Variants in NEK10 observed in about 807,000 individuals in gnomAD.
The protein encoded by NEK10 is NIMA related kinase 10.
Under a neutral mutation model 159.8 loss-of-function variants are expected in NEK10, and 122 were observed. The observed-to-expected ratio is 0.76, with a 90% CI of 0.66 to 0.89. The LOEUF (loss-of-function observed/expected upper bound fraction) is 0.89, where lower values mean the gene tolerates loss of function less well. NEK10 is among the 40% of genes least tolerant of loss of function. The pLI, the probability that NEK10 is intolerant of heterozygous loss-of-function variation, is 0.00. For missense variants in NEK10, 1,342 were observed against 1,323.1 expected (o/e 1.01, Z -0.22); for synonymous variants, 466 against 457.1 (o/e 1.02, Z -0.25).
chr3:27,125,096 AAGT>A (rs1941794911), intron 32 of NEK10, among the ~76,000 whole-genome samples: 1 of 152,140 alleles, frequency 6.6e-6, no homozygotes, highest in African/African-American at 2.4e-5. Flanking sequence ...GAACTAAACT[AAGT>A]AAATATATTA....
At position 27,169,049 on chromosome 3, in the gene NEK10, G is replaced by A. The variant is rs565712338; in HGVS notation, c.2831+2770C>T. Among the ~76,000 whole-genome samples the A allele has an allele frequency of 1.2e-4, 19 of 152,090 alleles. 1 individual carries two copies. Among genetic ancestry groups the A allele is most frequent in the Admixed American group, 4.6e-4 (7 of 15,286 alleles). On this transcript the variant is annotated intron_variant, in intron 29 of 35. Transcript: ENST00000691995. The stretch of plus-strand genomic sequence containing the variant: ...GGTTTTGAAGGGGTGGACATCAACC[G>A]GATTTGTGCAAATAAGACAATTTTC...
At chr3:27,127,110 G>A (rs1942053683) in intron 32 of NEK10, among the ~76,000 whole-genome samples, 1 of 151,992 alleles carries the variant, frequency 6.6e-6, no homozygotes, top group Admixed American at 6.6e-5. Flanking sequence ...CCACGTACCC[G>A]TCACCCAGTT....
chr3:27,272,992 A>C (rs6788502), intron 22 of NEK10, among the ~76,000 whole-genome samples: 13,119 of 152,142 alleles, frequency 0.086, 1,870 homozygotes, highest in African/African-American at 0.3. Context: ...TAAGGAAAAC[A>C]GCTGATTGGG....
intron 19 of NEK10, among the ~76,000 whole-genome samples, chr3:27,288,230 A>G (rs1288277158): frequency 6.6e-6 from 1 of 152,202 alleles, no homozygotes; most frequent in Non-Finnish European, 1.5e-5. Flanking sequence ...CAAAATGATT[A>G]GTAGAAAATA....
At chr3:27,143,388 G>A (rs1943973012) in intron 30 of NEK10, 2 of 694,840 alleles carry the variant, frequency 2.9e-6, no homozygotes, top group African/African-American at 1.8e-5. Flanking sequence ...ACATGGCAAA[G>A]AGTTCTTAGA....
intron 1 of NEK10, among the ~76,000 whole-genome samples, chr3:27,365,611 T>TG (rs1491559451): frequency 0.034 from 124 of 3,686 alleles, 1 homozygote; most frequent in Non-Finnish European, 0.12. Context: ...TTTTTTTGTG[T>TG]TTTTTTTTTT....
At chr3:27,322,411 C>A (rs146282134) in intron 5 of NEK10, 150 bp from the exon 6 acceptor site, 186 of 612,450 alleles carry the variant, frequency 3.0e-4, no homozygotes, top group African/African-American at 2.8e-3. Flanking sequence ...GAACACTTGA[C>A]TCATTTTAAT....
intron 12 of NEK10, among the ~76,000 whole-genome samples, chr3:27,304,179 T>A (rs539437744): frequency 6.6e-6 from 1 of 152,310 alleles, no homozygotes; most frequent in South Asian, 2.1e-4. Flanking sequence ...TAGAGGACCG[T>A]AATGAAGATT....
At chr3:27,153,319 CA>C (rs34333130) in intron 30 of NEK10, among the ~76,000 whole-genome samples, 6,062 of 90,582 alleles carry the variant, frequency 0.067, 139 homozygotes, top group Middle Eastern at 0.1. Flanking sequence ...GACTCCATCT[CA>C]AAAAAAAAAA....
rs116378864 is a variant in NEK10 at position 27,231,705 on chromosome 3, T to C, written c.2090+24591A>G. 8.9e-3 allele frequency among the ~76,000 whole-genome samples: 1,350 copies of C among 152,006 alleles called. 25 individuals are homozygous for C. Among genetic ancestry groups the C allele is most frequent in the African/African-American group, 0.03 (1,253 of 41,512 alleles). ...AGAAATAAAAAAGATCATTCAGGGC[T>C]ACTATGAACACCTTTACATGCACAA... is the stretch of plus-strand genomic sequence containing the variant. On this transcript the variant is annotated intron_variant, in intron 23 of 35. Coordinates refer to ENST00000691995, the MANE Select transcript of NEK10 (RefSeq NM_001394966.1).
intron 23 of NEK10, among the ~76,000 whole-genome samples, chr3:27,230,600 C>T (rs959399829): frequency 6.6e-6 from 1 of 151,860 alleles, no homozygotes; most frequent in East Asian, 1.9e-4. Context: ...AACAACCAAC[C>T]AAATATCTGC....
At chr3:27,343,355 A>C (rs866194082) in intron 5 of NEK10, among the ~76,000 whole-genome samples, 2 of 152,210 alleles carry the variant, frequency 1.3e-5, no homozygotes, top group Non-Finnish European at 1.5e-5. Context: ...CACTGGGCCA[A>C]GTCAGAGTTT....
chr3:27,270,996 T>C lies in NEK10; in HGVS notation c.2014+13606A>G, dbSNP rs4973865. On this transcript the variant is annotated intron_variant, in intron 22 of 35. Transcript: ENST00000691995. ...AGTATTTTTTCATTCATTTAGGGTC[T>C]GTCATTTCTAACTAGTATGAAAGAT... Among the ~76,000 whole-genome samples the C allele has an allele frequency of 9.3e-4, 141 of 152,300 alleles. No individual in the cohort carries two copies. In the East Asian group the frequency reaches 0.01, roughly 11 times the overall value.
intron 28 of NEK10, among the ~76,000 whole-genome samples, chr3:27,172,388 T>G (rs1443345547): frequency 6.7e-6 from 1 of 148,974 alleles, no homozygotes; most frequent in Non-Finnish European, 1.5e-5. Flanking sequence ...ATAAAGTTTC[T>G]CTTCAAAAAA....
chr3:27,171,976 T>G, intron 28 of NEK10, 103 bp from the exon 29 acceptor site: 1 of 1,265,076 alleles, frequency 7.9e-7, no homozygotes, highest in Non-Finnish European at 1.1e-6. Context: ...CTGGTGAAGA[T>G]GCAGAGAAAA....
intron 22 of NEK10, chr3:27,265,614 T>C (rs780848241): frequency 6.6e-6 from 1 of 152,228 alleles, no homozygotes; most frequent in African/African-American, 2.4e-5. Flanking sequence ...TTGCATGTCA[T>C]CCTTGTGCAC....
intron 5 of NEK10, among the ~76,000 whole-genome samples, chr3:27,341,004 C>T (rs889642843): frequency 5.9e-5 from 9 of 152,018 alleles, no homozygotes; most frequent in South Asian, 2.1e-4. Flanking sequence ...TAAAATGAAA[C>T]ATTATTTGGC....
intron 3 of NEK10, among the ~76,000 whole-genome samples, chr3:27,348,982 C>A (rs1191104206): frequency 6.6e-6 from 1 of 152,094 alleles, no homozygotes; most frequent in Non-Finnish European, 1.5e-5. Context: ...GCAGACACAT[C>A]ATATACCAGA....
At chr3:27,355,203 GT>G (rs2048249185) in intron 1 of NEK10, among the ~76,000 whole-genome samples, 1 of 152,094 alleles carries the variant, frequency 6.6e-6, no homozygotes, top group Non-Finnish European at 1.5e-5. Flanking sequence ...GCCAGATGTT[GT>G]TATGATCTCA....
Sources: gnomAD v4.1 joint callset for allele counts (sites outside exome capture counted in the v4.1 genomes callset) on GRCh38, gnomAD v4.1.1 for gene constraint, MANE v1.5 for transcripts, NCBI Gene and HGNC (gene_info 2026-07-23, HGNC 2026-07-21) for gene names.